The following PABPC4L variants were observed in gnomAD, a reference collection of about 807,000 sequenced individuals.
PABPC4L encodes the protein polyadenylate-binding protein 4-like.
For missense variants in PABPC4L, 452 were observed against 451.4 expected, an observed-to-expected ratio of 1.00 and a Z score of -0.01; for synonymous variants, 169 against 164.1, an observed-to-expected ratio of 1.03 and a Z score of -0.23.
At chr4:133,987,799 C>A in the PABPC4L span, among the ~76,000 whole-genome samples, 54 of 152,130 alleles carry the variant, frequency 3.5e-4, 1 homozygote, top group Non-Finnish European at 6.9e-4. Flanking sequence ...TTCTGATATA[C>A]AAGCATACTT....
the PABPC4L span, among the ~76,000 whole-genome samples, chr4:134,052,430 A>G: frequency 6.6e-6 from 1 of 152,044 alleles, no homozygotes; most frequent in Non-Finnish European, 1.5e-5. Context: ...GGTTTCATCA[A>G]GTACTTCCAG....
the PABPC4L span, among the ~76,000 whole-genome samples, chr4:134,186,699 A>C: frequency 6.6e-6 from 1 of 152,148 alleles, no homozygotes; most frequent in African/African-American, 2.4e-5. Flanking sequence ...AATGGGATCT[A>C]ATTAAACTAA....
At chr4:133,963,245 A>C in the PABPC4L span, among the ~76,000 whole-genome samples, 1 of 152,204 alleles carries the variant, frequency 6.6e-6, no homozygotes, top group Non-Finnish European at 1.5e-5. Flanking sequence ...AAAGACAAAG[A>C]ATGACATTAT....
the PABPC4L span, among the ~76,000 whole-genome samples, chr4:134,176,150 A>G: frequency 1.3e-5 from 2 of 152,152 alleles, no homozygotes; most frequent in Non-Finnish European, 2.9e-5. Context: ...ATTAAAGTTA[A>G]TTATTCTCTT....
At chr4:134,002,156 A>C in the PABPC4L span, among the ~76,000 whole-genome samples, 1 of 152,100 alleles carries the variant, frequency 6.6e-6, no homozygotes, top group African/African-American at 2.4e-5. Context: ...TTGCATAATA[A>C]TTGGACAGCT....
chr4:133,968,085 G>C, the PABPC4L span, among the ~76,000 whole-genome samples: 5 of 152,106 alleles, frequency 3.3e-5, no homozygotes, highest in African/African-American at 9.7e-5. Flanking sequence ...AAATTATAGA[G>C]TCTTCGCCAT....
At chr4:134,186,212 A>G in the PABPC4L span, among the ~76,000 whole-genome samples, 6 of 152,190 alleles carry the variant, frequency 3.9e-5, no homozygotes, top group African/African-American at 1.4e-4. Flanking sequence ...GAACCAAAAA[A>G]GAGCCCATAT....
chr4:134,143,142 A>G, the PABPC4L span, among the ~76,000 whole-genome samples: 1 of 151,480 alleles, frequency 6.6e-6, no homozygotes, highest in Non-Finnish European at 1.5e-5. Context: ...AATATATATT[A>G]TAAAACCTCA....
At chr4:133,961,027 C>T in the PABPC4L span, among the ~76,000 whole-genome samples, 1 of 152,100 alleles carries the variant, frequency 6.6e-6, no homozygotes, top group African/African-American at 2.4e-5. Flanking sequence ...TCTAGGGCCC[C>T]ACCCACCATT....
At chr4:134,115,023 G>A in the PABPC4L span, among the ~76,000 whole-genome samples, 4 of 151,710 alleles carry the variant, frequency 2.6e-5, no homozygotes, top group African/African-American at 9.7e-5. Context: ...ATGCACCACT[G>A]TGTACTCTGC....
chr4:134,102,673 G>A, the PABPC4L span, among the ~76,000 whole-genome samples: 1 of 151,424 alleles, frequency 6.6e-6, no homozygotes, highest in Non-Finnish European at 1.5e-5. Flanking sequence ...TCAGCTAAAC[G>A]TTTGCTGAAG....
chr4:133,997,126 A>C, the PABPC4L span, among the ~76,000 whole-genome samples: 71,950 of 151,836 alleles, frequency 0.47, 18,571 homozygotes, highest in African/African-American at 0.65. Context: ...CCTCTCTATT[A>C]CCTGAGACAC....
chr4:134,007,905 T>A, the PABPC4L span, among the ~76,000 whole-genome samples: 3 of 151,750 alleles, frequency 2.0e-5, no homozygotes, highest in Non-Finnish European at 4.4e-5. Flanking sequence ...TTACTGAAAC[T>A]TTTACTATGT....
the PABPC4L span, among the ~76,000 whole-genome samples, chr4:134,089,589 T>G: frequency 2.0e-5 from 3 of 152,256 alleles, no homozygotes; most frequent in African/African-American, 7.2e-5. Context: ...TAAATCAAAC[T>G]TTATCACAGG....
At chr4:134,189,602 G>A in the PABPC4L span, among the ~76,000 whole-genome samples, 4 of 151,778 alleles carry the variant, frequency 2.6e-5, no homozygotes, top group Non-Finnish European at 5.9e-5. Flanking sequence ...ACACACACAT[G>A]GTAAAAAGAA....
At chr4:134,033,798 C>T in the PABPC4L span, among the ~76,000 whole-genome samples, 1 of 151,584 alleles carries the variant, frequency 6.6e-6, no homozygotes, top group East Asian at 1.9e-4. Context: ...TCATGAGATT[C>T]AAGGAATGAA....
rs116807401 is a variant in PABPC4L at position 134,200,566 on chromosome 4, T to C, written c.454A>G (p.Arg152Gly). Residue 152 changes from arginine to glycine, a missense_variant, in exon 2 of 2, where the codon AGG (arginine) becomes GGG (glycine). Arg to Gly is a moderately radical substitution (Grantham distance 125). Coordinates refer to ENST00000421491, the MANE Select transcript of PABPC4L (RefSeq NM_001114734.2). ...VHFQNQSAAD[R>G]AIEEMNGKLL... Reference sequence around the variant, plus strand: ...TTTCCATTCATCTCCTCAATGGCCCTGTCTGCAGCACTCTGGTTCTGAAAG... The same window carrying C: ...TTTCCATTCATCTCCTCAATGGCCCCGTCTGCAGCACTCTGGTTCTGAAAG... The C allele has an allele frequency of 0.014, 21,045 of 1,551,696 alleles. 220 individuals carry two copies. Among genetic ancestry groups the C allele is most frequent in the Non-Finnish European group, 0.017 (19,503 of 1,146,980 alleles).
the PABPC4L span, among the ~76,000 whole-genome samples, chr4:133,965,788 A>G: frequency 6.6e-6 from 1 of 152,262 alleles, no homozygotes; most frequent in African/African-American, 2.4e-5. Flanking sequence ...ATGAAACTGG[A>G]CCTTCATCTC....
At chr4:134,101,682 CA>C in the PABPC4L span, among the ~76,000 whole-genome samples, 2 of 151,374 alleles carry the variant, frequency 1.3e-5, no homozygotes, top group Non-Finnish European at 3.0e-5. Context: ...GGAAAAACAA[CA>C]GTAGCCTCTT....
Sources: gnomAD v4.1 joint callset for allele counts (sites outside exome capture counted in the v4.1 genomes callset) on GRCh38, gnomAD v4.1.1 for gene constraint, MANE v1.5 for transcripts, NCBI Gene and HGNC (gene_info 2026-07-23, HGNC 2026-07-21) for gene names.